The following PTPRM variants were observed in gnomAD, a reference collection of about 807,000 sequenced individuals.
PTPRM encodes the protein receptor-type tyrosine-protein phosphatase mu.
In PTPRM, 47 loss-of-function variants were observed where a neutral mutation model predicts 186.7. The observed-to-expected ratio is 0.25, with a 90% CI of 0.20 to 0.32. The LOEUF (loss-of-function observed/expected upper bound fraction) is 0.32. PTPRM is among the 10% of genes least tolerant of loss of function. The pLI, the probability that PTPRM is intolerant of heterozygous loss-of-function variation, is 1.00. For synonymous variants in PTPRM, 668 were observed against 674.9 expected (o/e 0.99, Z 0.16); for missense variants, 1,494 against 1,865.0 (o/e 0.80, Z 3.66).
intron 23 of PTPRM, among the ~76,000 whole-genome samples, chr18:8,351,983 A>G (rs897166712): frequency 1.3e-5 from 2 of 152,164 alleles, no homozygotes; most frequent in African/African-American, 2.4e-5. Flanking sequence ...TCAACCAAAG[A>G]GCTCAATTTG....
chr18:8,403,110 A>G (rs975962768), intron 32 of PTPRM: 1 of 152,224 alleles, frequency 6.6e-6, no homozygotes. Context: ...GGGATGGTTA[A>G]TAGGACCTCA....
At chr18:7,966,366 T>G (rs901849708) in intron 7 of PTPRM, among the ~76,000 whole-genome samples, 19 of 152,178 alleles carry the variant, frequency 1.2e-4, no homozygotes, top group African/African-American at 4.6e-4. Flanking sequence ...ATTGACCAAA[T>G]AGCAATATTT....
intron 5 of PTPRM, among the ~76,000 whole-genome samples, chr18:7,944,972 AG>A (rs2052418609): frequency 6.6e-6 from 1 of 152,124 alleles, no homozygotes; most frequent in African/African-American, 2.4e-5. Flanking sequence ...CATTATTGAG[AG>A]GTGGGGCCTT....
intron 23 of PTPRM, among the ~76,000 whole-genome samples, chr18:8,361,323 C>G (rs2095595993): frequency 6.6e-6 from 1 of 152,150 alleles, no homozygotes; most frequent in Non-Finnish European, 1.5e-5. Flanking sequence ...TTGTGTGTTA[C>G]AATAAATGGA....
intron 13 of PTPRM, among the ~76,000 whole-genome samples, chr18:8,133,002 A>G (rs8099055): frequency 0.038 from 5,785 of 152,244 alleles, 168 homozygotes; most frequent in African/African-American, 0.09. Flanking sequence ...GAGGCTGGGC[A>G]ATCCAAGAGC....
intron 19 of PTPRM, among the ~76,000 whole-genome samples, chr18:8,292,465 G>A (rs547890980): frequency 6.6e-6 from 1 of 152,272 alleles, no homozygotes; most frequent in East Asian, 1.9e-4. Context: ...GTATCCATGG[G>A]GAAATTGGCT....
intron 1 of PTPRM, among the ~76,000 whole-genome samples, chr18:7,755,854 G>C (rs2041460596): frequency 6.6e-6 from 1 of 152,208 alleles, no homozygotes; most frequent in South Asian, 2.1e-4. Context: ...TAAGCTGAGA[G>C]GCTGCTGTGG....
At chr18:7,813,984 C>A (rs2044669125) in intron 2 of PTPRM, 1 of 152,168 alleles carries the variant, frequency 6.6e-6, no homozygotes, top group Non-Finnish European at 1.5e-5. Context: ...CTCCTCTTCA[C>A]TTTAATACTT....
At chr18:8,227,931 C>A (rs371635928) in intron 14 of PTPRM, among the ~76,000 whole-genome samples, 2 of 152,152 alleles carry the variant, frequency 1.3e-5, no homozygotes, top group Non-Finnish European at 2.9e-5. Flanking sequence ...GCACTGTCAC[C>A]GGTTCCAGCC....
chr18:8,329,534 A>T (rs1247590961), intron 22 of PTPRM, among the ~76,000 whole-genome samples: 1 of 152,142 alleles, frequency 6.6e-6, no homozygotes, highest in African/African-American at 2.4e-5. Flanking sequence ...ACTAATACCC[A>T]TGTACTTTCC....
At chr18:7,630,487 T>C (rs1212251811) in intron 1 of PTPRM, among the ~76,000 whole-genome samples, 2 of 152,064 alleles carry the variant, frequency 1.3e-5, no homozygotes, top group African/African-American at 4.8e-5. Flanking sequence ...GGAGACTGTC[T>C]CCTGAGAGAT....
intron 1 of PTPRM, among the ~76,000 whole-genome samples, chr18:7,694,409 A>G (rs1013160749): frequency 6.7e-6 from 1 of 149,192 alleles, no homozygotes; most frequent in Non-Finnish European, 1.5e-5. Context: ...GAAACGTAGG[A>G]AACTCCCTTC....
intron 2 of PTPRM, among the ~76,000 whole-genome samples, chr18:7,852,409 T>C (rs1469066036): frequency 1.3e-5 from 2 of 151,972 alleles, no homozygotes; most frequent in Admixed American, 1.3e-4. Context: ...GGATCCTGTC[T>C]CTACAAAAAA....
chr18:8,011,069 G>C (rs1017816511), intron 7 of PTPRM, among the ~76,000 whole-genome samples: 1 of 152,194 alleles, frequency 6.6e-6, no homozygotes, highest in Non-Finnish European at 1.5e-5. Flanking sequence ...AAAGTATTTT[G>C]ATTTAAGAAA....
At chr18:8,081,426 C>T (rs530514453) in intron 9 of PTPRM, among the ~76,000 whole-genome samples, 1 of 152,298 alleles carries the variant, frequency 6.6e-6, no homozygotes, top group South Asian at 2.1e-4. Context: ...GTTTCCTGGA[C>T]CTTCAGCCAG....
chr18:8,262,880 C>T (rs1601536337), intron 19 of PTPRM, among the ~76,000 whole-genome samples: 2 of 152,246 alleles, frequency 1.3e-5, no homozygotes, highest in Admixed American at 6.5e-5. Flanking sequence ...TAAACACATA[C>T]ACCTGTTCCT....
chr18:7,570,648 A>G (rs2143323716), intron 1 of PTPRM, among the ~76,000 whole-genome samples: 1 of 152,330 alleles, frequency 6.6e-6, no homozygotes, highest in East Asian at 1.9e-4. Flanking sequence ...CTTTAGGCCA[A>G]TGGACTAATC....
intron 2 of PTPRM, among the ~76,000 whole-genome samples, chr18:7,854,267 A>T (rs1052466956): frequency 1.3e-5 from 2 of 152,176 alleles, no homozygotes; most frequent in African/African-American, 4.8e-5. Flanking sequence ...ATAAGAGCCT[A>T]CAAGGGAAAG....
intron 22 of PTPRM, among the ~76,000 whole-genome samples, chr18:8,320,397 A>G (rs1346171878): frequency 6.6e-6 from 1 of 152,188 alleles, no homozygotes; most frequent in Non-Finnish European, 1.5e-5. Context: ...AGTTGTAGCC[A>G]GAGAGCAGAA....
Sources: allele counts gnomAD v4.1 joint callset (sites outside exome capture counted in the v4.1 genomes callset), GRCh38; gene constraint gnomAD v4.1.1; transcripts MANE v1.5; gene names NCBI Gene and HGNC (gene_info 2026-07-23, HGNC 2026-07-21).